HPRT1: variants seen among roughly 807,000 people sequenced by gnomAD.
The protein encoded by HPRT1 is hypoxanthine phosphoribosyltransferase 1.
Under a neutral mutation model 19.0 loss-of-function variants are expected in HPRT1, and 4 were observed. The observed-to-expected ratio is 0.21, with a 90% CI of 0.10 to 0.48. HPRT1 has a LOEUF of 0.48. HPRT1 is among the 20% of genes least tolerant of loss of function. The pLI, the probability that HPRT1 is intolerant of heterozygous loss-of-function variation, is 0.98. For missense variants in HPRT1, 65 were observed against 164.0 expected (o/e 0.40, Z 3.30); for synonymous variants, 53 against 54.9 (o/e 0.97, Z 0.15).
At chrX:134,481,120 A>G (rs980573234) in intron 3 of HPRT1, among the ~76,000 whole-genome samples, 2 of 109,430 alleles carry the variant, frequency 1.8e-5, no homozygotes, top group African/African-American at 6.6e-5. Flanking sequence ...TTTGGTGGCA[A>G]GAGGAGCTTA....
chrX:134,493,446 G>A, intron 5 of HPRT1, 62 bp from the exon 6 acceptor site: 1 of 777,190 alleles, frequency 1.3e-6, no homozygotes, highest in Non-Finnish European at 2.0e-6. Context: ...ATACATGGGG[G>A]TTTTGGTACT....
chrX:134,462,986 T>C (rs983224660), intron 1 of HPRT1, among the ~76,000 whole-genome samples: 6 of 112,305 alleles, frequency 5.3e-5, no homozygotes, highest in Admixed American at 1.9e-4. Context: ...AACTTTTAAG[T>C]TAGTAGTGAC....
chrX:134,487,378 A>G (rs1334811877), intron 4 of HPRT1, among the ~76,000 whole-genome samples: 1 of 107,595 alleles, frequency 9.3e-6, no homozygotes, highest in Non-Finnish European at 1.9e-5. Context: ...CCAATAATAA[A>G]TGATGGAATG....
rs369065223 is a variant in HPRT1 at position 134,486,514 on chromosome X, C to T, written c.368C>T (p.Ser123Leu). 1.7e-6 allele frequency: 2 copies of T among 1,152,072 alleles called. No individual in the cohort carries two copies. Among genetic ancestry groups the T allele is most frequent in the Non-Finnish European group, 2.4e-6 (2 of 846,902 alleles). The allele number at this position is 1,152,072 out of a possible 1,213,427, so 94.9% of individuals were successfully genotyped here. A position where few individuals can be genotyped will look rare whatever the true frequency, so the allele number is the denominator to read the frequency against. ...DIKVIGGDDL[S>L]TLTGKNVLIV... ...AAAGTAATTGGTGGAGATGATCTCT[C>T]AACTTTAACTGGAAAGGTATGTATC... The change falls in exon 4 of 9, where the codon TCA (serine) becomes TTA (leucine). Residue 123 changes from serine to leucine, a missense_variant. Physicochemically the swap from Ser to Leu is moderately radical, Grantham distance 145 (BLOSUM62 -2). Transcript: ENST00000298556.
intron 1 of HPRT1, among the ~76,000 whole-genome samples, chrX:134,470,054 A>T (rs1385047904): frequency 8.9e-6 from 1 of 112,880 alleles, no homozygotes; most frequent in Non-Finnish European, 1.9e-5. Flanking sequence ...ATGCATCAGC[A>T]TTTAATCCTA....
At chrX:134,486,430 T>G (rs763888711) in intron 3 of HPRT1, 35 bp from the exon 4 acceptor site, 7 of 597,318 alleles carry the variant, frequency 1.2e-5, no homozygotes, top group East Asian at 9.4e-5. Context: ...TGTGTGTAGA[T>G]ATATATATAT....
intron 3 of HPRT1, among the ~76,000 whole-genome samples, chrX:134,477,126 T>C (rs893324426): frequency 1.9e-5 from 2 of 106,124 alleles, no homozygotes; most frequent in South Asian, 8.3e-4. Context: ...AGTGGCATGA[T>C]CGTAGCTCAC....
At chrX:134,479,338 C>G (rs2077633238) in intron 3 of HPRT1, among the ~76,000 whole-genome samples, 1 of 108,538 alleles carries the variant, frequency 9.2e-6, no homozygotes, top group East Asian at 2.9e-4. Context: ...GGCGTGATCT[C>G]AGCTCACTGC....
intron 3 of HPRT1, among the ~76,000 whole-genome samples, chrX:134,484,071 C>G (rs1410133310): frequency 8.9e-6 from 1 of 111,757 alleles, no homozygotes; most frequent in Non-Finnish European, 1.9e-5. Context: ...ACAGCAGTGT[C>G]TTACTGCTTG....
At chrX:134,488,692 C>T (rs1211693638) in intron 4 of HPRT1, among the ~76,000 whole-genome samples, 1 of 110,770 alleles carries the variant, frequency 9.0e-6, no homozygotes, top group East Asian at 2.8e-4. Context: ...GTTTTTTAGA[C>T]TCTAGTGTCT....
rs142053439 is a variant in HPRT1, at chrX:134,475,642, C to G, written c.318+278C>G. ...TGGGATACTTTTTTCACTATACATACTGGTGACAGATACCCTCTCTTGAGC... is the reference window on the plus strand; with the variant it reads ...TGGGATACTTTTTTCACTATACATAGTGGTGACAGATACCCTCTCTTGAGC... On this transcript the variant is annotated intron_variant, in intron 3 of 8. Coordinates refer to ENST00000298556, the MANE Select transcript of HPRT1 (RefSeq NM_000194.3). 1.1e-4 allele frequency among the ~76,000 whole-genome samples: 12 copies of G among 111,890 alleles called. 1 individual carries two copies. In the East Asian group the frequency reaches 3.3e-3, roughly 31 times the overall value.
intron 4 of HPRT1, 174 bp downstream of exon 4, chrX:134,486,704 A>G (rs986729497): frequency 3.1e-5 from 14 of 453,053 alleles, no homozygotes; most frequent in Non-Finnish European, 5.3e-5. Context: ...GTAAAAAGAC[A>G]GTAGAATCCA....
chrX:134,485,912 C>G (rs949741965), intron 3 of HPRT1, among the ~76,000 whole-genome samples: 2 of 112,082 alleles, frequency 1.8e-5, no homozygotes, highest in Non-Finnish European at 3.8e-5. Flanking sequence ...AAATGGGAGC[C>G]TAAGAGGTAT....
At chrX:134,489,758 T>C (rs1458568496) in intron 4 of HPRT1, among the ~76,000 whole-genome samples, 1 of 111,591 alleles carries the variant, frequency 9.0e-6, no homozygotes, top group East Asian at 2.8e-4. Context: ...GAAAATATAT[T>C]TTGGAGTCCA....
intron 1 of HPRT1, among the ~76,000 whole-genome samples, chrX:134,471,308 A>AT (rs1343132136): frequency 8.1e-5 from 9 of 111,128 alleles, no homozygotes; most frequent in African/African-American, 2.6e-4. Flanking sequence ...ATTTTGTTGT[A>AT]TTTTTTTCTG....
chrX:134,461,958 A>G (rs2077585300), intron 1 of HPRT1, among the ~76,000 whole-genome samples: 1 of 111,541 alleles, frequency 9.0e-6, no homozygotes, highest in African/African-American at 3.3e-5. Flanking sequence ...CTAAACATCA[A>G]CTTACTTAAT....
intron 3 of HPRT1, among the ~76,000 whole-genome samples, chrX:134,478,931 T>C (rs769315255): frequency 8.9e-6 from 1 of 112,519 alleles, no homozygotes; most frequent in African/African-American, 3.2e-5. Context: ...TAAATTGCCA[T>C]CAATTGTAAT....
intron 1 of HPRT1, 85 bp downstream of exon 1, chrX:134,460,423 G>A: frequency 1.3e-6 from 1 of 787,660 alleles, no homozygotes; most frequent in East Asian, 4.8e-5. Flanking sequence ...GATCCGCAGT[G>A]CGGGCTCGGG....
intron 1 of HPRT1, among the ~76,000 whole-genome samples, chrX:134,463,349 A>T (rs2077589230): frequency 8.9e-6 from 1 of 111,918 alleles, no homozygotes; most frequent in African/African-American, 3.2e-5. Flanking sequence ...CGGGGATGGT[A>T]GTCCTAGAAA....
Sources: gnomAD v4.1 joint callset for allele counts (sites outside exome capture counted in the v4.1 genomes callset) on GRCh38, gnomAD v4.1.1 for gene constraint, MANE v1.5 for transcripts, NCBI Gene and HGNC (gene_info 2026-07-23, HGNC 2026-07-21) for gene names.